SMYD3: variants seen among roughly 807,000 people sequenced by gnomAD.
SMYD3 encodes the protein histone-lysine N-methyltransferase SMYD3.
SMYD3 carries 36 observed loss-of-function variants against 57.7 expected under a neutral mutation model. The observed-to-expected ratio is 0.62, with a 90% CI of 0.48 to 0.82. The LOEUF (loss-of-function observed/expected upper bound fraction) is 0.82, where lower values mean the gene tolerates loss of function less well. Among genes scored for constraint, SMYD3 ranks in the 40% least tolerant of loss-of-function variants. The probability of loss-of-function intolerance (pLI) is 0.00; values close to 1 mark genes in which losing one functional copy is unlikely to be tolerated. For missense variants in SMYD3, 515 were observed against 538.8 expected, an observed-to-expected ratio of 0.96 and a Z score of 0.44; for synonymous variants, 211 against 195.0, an observed-to-expected ratio of 1.08 and a Z score of -0.68.
At chr1:246,172,012 T>C (rs896228577) in intron 5 of SMYD3, among the ~76,000 whole-genome samples, 1 of 152,130 alleles carries the variant, frequency 6.6e-6, no homozygotes, top group African/African-American at 2.4e-5. Context: ...CTTTATCTCA[T>C]GAAGGAAAAG....
chr1:246,230,361 A>T (rs143324374), intron 5 of SMYD3, among the ~76,000 whole-genome samples: 1 of 152,248 alleles, frequency 6.6e-6, no homozygotes, highest in Non-Finnish European at 1.5e-5. Context: ...TTTAGTTTGC[A>T]TAAACACATT....
intron 2 of SMYD3, among the ~76,000 whole-genome samples, chr1:246,350,558 G>A (rs1450672936): frequency 6.6e-6 from 1 of 152,172 alleles, no homozygotes; most frequent in African/African-American, 2.4e-5. Flanking sequence ...ATGAGAATCG[G>A]AGATGACACC....
intron 5 of SMYD3, among the ~76,000 whole-genome samples, chr1:246,222,942 A>G (rs1288202847): frequency 1.3e-5 from 2 of 152,198 alleles, no homozygotes; most frequent in East Asian, 3.8e-4. Context: ...AATCTTTCCA[A>G]TGAAGTTAGT....
In SMYD3 at chr1:245,862,475, T is replaced by G. The variant is rs575233513; in HGVS notation, c.901+1324A>C. On this transcript the variant is annotated intron_variant, in intron 9 of 11. Coordinates refer to ENST00000490107, the MANE Select transcript of SMYD3 (RefSeq NM_001167740.2). The stretch of plus-strand genomic sequence containing the variant: ...CATGTCTTTAAAACTTGGATACCAT[T>G]TAAACATTTAGAGATCTTTTGAACT... Among the ~76,000 whole-genome samples, 21 of 147,236 alleles carry G rather than the reference T, an allele frequency of 1.4e-4. No homozygotes were observed. The South Asian group carries it at 3.3e-3, about 23-fold the overall frequency.
intron 5 of SMYD3, among the ~76,000 whole-genome samples, chr1:246,204,714 T>C (rs1357986140): frequency 6.6e-6 from 1 of 152,204 alleles, no homozygotes; most frequent in Non-Finnish European, 1.5e-5. Context: ...AATGCTGATA[T>C]CATTCTGTCA....
At position 246,023,940 on chromosome 1, in the gene SMYD3, G is replaced by A. The variant is rs184282797; in HGVS notation, c.532-94003C>T. Among the ~76,000 whole-genome samples, 300 of 151,620 alleles carry A rather than the reference G, an allele frequency of 2.0e-3. 1 individual carries two copies. The highest frequency in any genetic ancestry group is 3.3e-3 in the Non-Finnish European group (225 of 67,946). On this transcript the variant is annotated intron_variant, in intron 5 of 11. Transcript: ENST00000490107. ...GTGGATGGCATATACTGATGATTTG[G>A]TTAAAAAAATAAAGAATAAAGACAG...
At chr1:245,823,142 G>A (rs2049271846) in intron 10 of SMYD3, among the ~76,000 whole-genome samples, 1 of 152,196 alleles carries the variant, frequency 6.6e-6, no homozygotes, top group South Asian at 2.1e-4. Context: ...GGCTTCAGAG[G>A]AATAGAGCTG....
At chr1:246,319,889 T>C (rs564551473) in intron 5 of SMYD3, among the ~76,000 whole-genome samples, 3 of 152,212 alleles carry the variant, frequency 2.0e-5, no homozygotes, top group African/African-American at 7.2e-5. Flanking sequence ...AGTCATTTAG[T>C]AATTTTCCCT....
At chr1:246,092,213 T>G (rs894505389) in intron 5 of SMYD3, among the ~76,000 whole-genome samples, 4 of 152,176 alleles carry the variant, frequency 2.6e-5, no homozygotes, top group African/African-American at 9.7e-5. Flanking sequence ...AAGTGCTTAT[T>G]TTTTCCAAAG....
chr1:245,985,358 T>C (rs912339660), intron 5 of SMYD3, among the ~76,000 whole-genome samples: 1 of 152,224 alleles, frequency 6.6e-6, no homozygotes, highest in Non-Finnish European at 1.5e-5. Flanking sequence ...TAGACAATTA[T>C]ATTTGTCCAA....
chr1:245,815,980 G>A (rs1385258960), intron 10 of SMYD3, among the ~76,000 whole-genome samples: 1 of 152,158 alleles, frequency 6.6e-6, no homozygotes, highest in African/African-American at 2.4e-5. Flanking sequence ...TTCTGTAGGT[G>A]AGTAGGTAAG....
chr1:246,483,608 G>A (rs2068142507), intron 1 of SMYD3: 1 of 152,174 alleles, frequency 6.6e-6, no homozygotes, highest in Non-Finnish European at 1.5e-5. Context: ...GACCATTTAA[G>A]GGAAAGGGAA....
intron 10 of SMYD3, among the ~76,000 whole-genome samples, chr1:245,834,984 G>A (rs2050031794): frequency 2.0e-5 from 3 of 152,142 alleles, no homozygotes; most frequent in African/African-American, 7.2e-5. Flanking sequence ...TGAACTTACA[G>A]ATACATAAGG....
intron 1 of SMYD3, among the ~76,000 whole-genome samples, chr1:246,469,298 G>A (rs746053464): frequency 1.1e-4 from 16 of 152,236 alleles, no homozygotes; most frequent in African/African-American, 3.4e-4. Flanking sequence ...CCCCTTGGCC[G>A]AAAAAGGCCC....
intron 1 of SMYD3, among the ~76,000 whole-genome samples, chr1:246,421,686 G>A (rs2067145049): frequency 6.6e-6 from 1 of 152,136 alleles, no homozygotes; most frequent in Non-Finnish European, 1.5e-5. Flanking sequence ...TAAAATAGAA[G>A]AGATGATTAA....
chr1:246,493,985 A>G (rs61658911), intron 1 of SMYD3, among the ~76,000 whole-genome samples: 7,180 of 152,244 alleles, frequency 0.047, 559 homozygotes, highest in African/African-American at 0.17. Flanking sequence ...TCAGGCCTTC[A>G]TCACTTCACA....
chr1:246,406,378 A>AG (rs1162713644), intron 1 of SMYD3, among the ~76,000 whole-genome samples: 4 of 152,242 alleles, frequency 2.6e-5, no homozygotes, highest in African/African-American at 9.6e-5. Flanking sequence ...AGGAAGGAGA[A>AG]GAAAAGCATG....
At chr1:246,116,507 TG>T (rs1402890397) in intron 5 of SMYD3, among the ~76,000 whole-genome samples, 2 of 152,214 alleles carry the variant, frequency 1.3e-5, no homozygotes, top group Non-Finnish European at 2.9e-5. Flanking sequence ...TCTTTTAACT[TG>T]TAAGTCAGTG....
chr1:246,212,504 G>C (rs2063106110), intron 5 of SMYD3, among the ~76,000 whole-genome samples: 1 of 152,010 alleles, frequency 6.6e-6, no homozygotes, highest in Non-Finnish European at 1.5e-5. Context: ...ATGATTTTTG[G>C]TGATTTTTAT....
Sources: gnomAD v4.1 joint callset for allele counts (sites outside exome capture counted in the v4.1 genomes callset) on GRCh38, gnomAD v4.1.1 for gene constraint, MANE v1.5 for transcripts, NCBI Gene and HGNC (gene_info 2026-07-23, HGNC 2026-07-21) for gene names.